The following DPH6 variants were observed in gnomAD, a reference collection of about 807,000 sequenced individuals.
DPH6 encodes diphthamine biosynthesis 6.
A neutral mutation model predicts 38.2 loss-of-function variants in DPH6; 33 were observed. The observed-to-expected ratio is 0.86, with a 90% confidence interval of 0.65 to 1.15. The LOEUF (loss-of-function observed/expected upper bound fraction) is 1.15. DPH6 is among the 50% of genes most tolerant of loss of function. The probability of loss-of-function intolerance (pLI) is 0.00; values close to 1 mark genes in which losing one functional copy is unlikely to be tolerated. For synonymous variants in DPH6, 108 were observed against 103.0 expected (o/e 1.05, Z -0.30); for missense variants, 325 against 320.0 (o/e 1.02, Z -0.12).
At chr15:35,377,284 C>T (rs1383104474) in intron 7 of DPH6, among the ~76,000 whole-genome samples, 3 of 151,878 alleles carry the variant, frequency 2.0e-5, no homozygotes, top group Admixed American at 2.0e-4. Flanking sequence ...GGATTTGGTT[C>T]TTCCTTTCTT....
At chr15:35,428,838 A>G (rs1451810090) in intron 5 of DPH6, among the ~76,000 whole-genome samples, 28 of 151,766 alleles carry the variant, frequency 1.8e-4, no homozygotes, top group Non-Finnish European at 2.9e-5. Flanking sequence ...TGTTCTGGTC[A>G]CTCTCTACTC....
At chr15:35,397,866 TATACACACACACACAC>T (rs1230820608) in intron 6 of DPH6, among the ~76,000 whole-genome samples, 3 of 88,826 alleles carry the variant, frequency 3.4e-5, no homozygotes, top group African/African-American at 1.4e-4. Context: ...AATTTATATA[TATACACACACACACAC>T]ACACACACAC....
At position 35,450,746 on chromosome 15, in the gene DPH6, ATCTTC is replaced by A; in HGVS notation, c.439_443del (p.Glu147PhefsTer9). ...TAGATGATATCATCTCTCTGAGCAA[ATCTTC>A]CTGGTTTCTCTGCCAAAGATAAGCT... On this transcript the variant is annotated frameshift_variant, in exon 5 of 9. Transcript: ENST00000256538. LOFTEE classifies it high-confidence loss of function. 1 of 1,613,262 alleles carries A rather than the reference ATCTTC, an allele frequency of 6.2e-7. No homozygotes were observed. Among genetic ancestry groups the A allele is most frequent in the Non-Finnish European group, 8.5e-7 (1 of 1,179,648 alleles).
the DPH6 span, among the ~76,000 whole-genome samples, chr15:35,191,625 AT>A: frequency 3.3e-5 from 5 of 152,206 alleles, no homozygotes; most frequent in Non-Finnish European, 7.3e-5. Context: ...ATTAAAACCA[AT>A]GCAATTGTCC....
intron 3 of DPH6, chr15:35,298,836 T>G: frequency 9.4e-7 from 1 of 1,062,136 alleles, no homozygotes; most frequent in Non-Finnish European, 1.5e-6. Context: ...GAATGGCAGT[T>G]TTGGAAGACT....
chr15:35,422,324 G>A (rs977738253), intron 5 of DPH6, among the ~76,000 whole-genome samples: 1 of 151,744 alleles, frequency 6.6e-6, no homozygotes, highest in Non-Finnish European at 1.5e-5. Flanking sequence ...GAAGATACAG[G>A]AAAAAACCTT....
chr15:35,542,450 G>A lies in DPH6; in HGVS notation c.81C>T (p.Ile27=), dbSNP rs943536618. ...MMQCIAAGHQ[I]VALANLRPAE... is the part of the protein sequence containing the mutation. ...CTGGTCTTAGATTTGCTAAAGCAAC[G>A]ATCTGATGCCCAGCAGCAATGCACT... is the stretch of plus-strand genomic sequence containing the variant. Residue 27 remains isoleucine (I), a synonymous_variant, in exon 2 of 9, where the codon ATC becomes ATT. Transcript: ENST00000256538. The A allele has an allele frequency of 1.5e-5, 23 of 1,577,438 alleles. No homozygotes were observed. Among genetic ancestry groups the A allele is most frequent in the African/African-American group, 5.4e-5 (4 of 74,392 alleles).
At position 35,529,378 on chromosome 15, in the gene DPH6, T is replaced by C. The variant is rs955787912; in HGVS notation, c.312+8896A>G. 2.0e-5 allele frequency among the ~76,000 whole-genome samples: 3 copies of C among 152,104 alleles called. 1 individual carries two copies. The highest frequency in any genetic ancestry group is 4.8e-5 in the African/African-American group (2 of 41,426). On this transcript the variant is annotated intron_variant, in intron 3 of 8. Transcript: ENST00000256538. ...ACAAGATCTCAGGAGAACTCTATCA[T>C]GAGAACAGCAAGGGGGAAGCCCACC... is the stretch of plus-strand genomic sequence containing the variant.
intron 3 of DPH6, among the ~76,000 whole-genome samples, chr15:35,524,739 T>C (rs190140130): frequency 4.7e-4 from 72 of 152,288 alleles, no homozygotes; most frequent in Non-Finnish European, 9.6e-4. Flanking sequence ...GCTACATAAA[T>C]TGCAATTATA....
At chr15:35,194,209 T>C in the DPH6 span, among the ~76,000 whole-genome samples, 1 of 152,168 alleles carries the variant, frequency 6.6e-6, no homozygotes, top group East Asian at 1.9e-4. Context: ...TTTGTGACCG[T>C]TTTCTCATTT....
At position 35,337,939 on chromosome 15, in the gene DPH6, C is replaced by T. The variant is rs537884073; in HGVS notation, n.208-6862G>A. ...AAAAACAAGCAATGGGGAAAGGATT[C>T]CCTATTTAATAAATGGTGCTGGGAA... is the stretch of plus-strand genomic sequence containing the variant. On this transcript the variant is annotated intron_variant and non_coding_transcript_variant, in intron 3 of 3. Transcript: ENST00000558973. Among the ~76,000 whole-genome samples, 1,056 of 151,956 alleles carry T rather than the reference C, an allele frequency of 6.9e-3. 3 individuals carry two copies. Among genetic ancestry groups the T allele is most frequent in the Non-Finnish European group, 0.01 (704 of 67,920 alleles).
At chr15:35,254,369 A>G (rs1164470239) in intron 3 of DPH6, among the ~76,000 whole-genome samples, 2 of 152,198 alleles carry the variant, frequency 1.3e-5, no homozygotes, top group Non-Finnish European at 2.9e-5. Context: ...TGCCACATAC[A>G]TTTATAATGG....
downstream of DPH6, among the ~76,000 whole-genome samples, chr15:35,366,202 C>CTACCATCCCA (rs2052657081): frequency 1.3e-5 from 2 of 150,698 alleles, no homozygotes; most frequent in Non-Finnish European, 3.0e-5. Context: ...CTCAAGAGGC[C>CTACCATCCCA]TACCATCCCA....
chr15:35,210,307 T>A, the DPH6 span, among the ~76,000 whole-genome samples: 70 of 152,310 alleles, frequency 4.6e-4, 1 homozygote, highest in Middle Eastern at 3.4e-3. Flanking sequence ...TTCTGGGGAT[T>A]AGATGTATAT....
At chr15:35,157,223 C>A in the DPH6 span, among the ~76,000 whole-genome samples, 4 of 152,170 alleles carry the variant, frequency 2.6e-5, no homozygotes, top group East Asian at 7.7e-4. Flanking sequence ...TTCATATAAA[C>A]CTTTCAAATT....
intron 5 of DPH6, among the ~76,000 whole-genome samples, chr15:35,424,452 A>AT (rs199555714): frequency 1.8e-4 from 27 of 147,902 alleles, no homozygotes; most frequent in Middle Eastern, 6.9e-3. Context: ...TTCTAACAGG[A>AT]TTTTTTTTTT....
intron 3 of DPH6, among the ~76,000 whole-genome samples, chr15:35,273,185 T>C (rs1237959634): frequency 6.6e-6 from 1 of 151,866 alleles, no homozygotes; most frequent in Non-Finnish European, 1.5e-5. Context: ...GGGGAACAGG[T>C]GGTGTCTGGT....
intron 7 of DPH6, among the ~76,000 whole-genome samples, chr15:35,377,545 A>G (rs1338283467): frequency 6.6e-6 from 1 of 152,180 alleles, no homozygotes; most frequent in African/African-American, 2.4e-5. Context: ...AATAAGTAAT[A>G]AGAGAGCAGG....
At chr15:35,263,791 A>G (rs2051764824) in intron 3 of DPH6, among the ~76,000 whole-genome samples, 1 of 151,056 alleles carries the variant, frequency 6.6e-6, no homozygotes, top group African/African-American at 2.4e-5. Flanking sequence ...TGCTCACTCC[A>G]AGCTCAGCCT....
Sources: allele counts gnomAD v4.1 joint callset (sites outside exome capture counted in the v4.1 genomes callset), GRCh38; gene constraint gnomAD v4.1.1; transcripts MANE v1.5; gene names NCBI Gene and HGNC (gene_info 2026-07-23, HGNC 2026-07-21).